The following FRMPD4 variants were observed in gnomAD, a reference collection of about 807,000 sequenced individuals.
The protein encoded by FRMPD4 is FERM and PDZ domain containing 4.
Under a neutral mutation model 94.1 loss-of-function variants are expected in FRMPD4, and 22 were observed. The observed-to-expected ratio is 0.23, with a 90% CI of 0.17 to 0.33. The LOEUF (loss-of-function observed/expected upper bound fraction) is 0.33. Ranked by LOEUF, FRMPD4 falls within the 10% of genes least tolerant of loss-of-function variation. The pLI is 1.00. For missense variants in FRMPD4, 1,111 were observed against 1,339.9 expected, an observed-to-expected ratio of 0.83 and a Z score of 2.67; for synonymous variants, 631 against 548.6, an observed-to-expected ratio of 1.15 and a Z score of -2.10.
intron 3 of FRMPD4, among the ~76,000 whole-genome samples, chrX:12,009,773 C>G (rs970051430): frequency 3.6e-5 from 4 of 112,082 alleles, no homozygotes; most frequent in African/African-American, 1.3e-4. Flanking sequence ...GTGTAACCAG[C>G]ACAGGAAACG....
chrX:12,487,534 GAA>G (rs2057751831), intron 1 of FRMPD4, among the ~76,000 whole-genome samples: 2 of 112,132 alleles, frequency 1.8e-5, no homozygotes, highest in African/African-American at 6.5e-5. Context: ...AGGAGAAAGA[GAA>G]AGAGTAGTAG....
intron 1 of FRMPD4, among the ~76,000 whole-genome samples, chrX:12,229,586 C>T (rs1034920841): frequency 2.7e-5 from 3 of 111,595 alleles, no homozygotes; most frequent in African/African-American, 6.5e-5. Context: ...TCTTTATTCC[C>T]CTTATCCTTA....
chrX:12,312,601 T>G (rs1404562521), intron 1 of FRMPD4, among the ~76,000 whole-genome samples: 1 of 111,083 alleles, frequency 9.0e-6, no homozygotes, highest in African/African-American at 3.3e-5. Context: ...TAAGGTGATG[T>G]TTTTGTTTGT....
intron 3 of FRMPD4, among the ~76,000 whole-genome samples, chrX:12,115,768 A>G (rs1048788715): frequency 9.2e-6 from 1 of 109,141 alleles, no homozygotes; most frequent in Non-Finnish European, 1.9e-5. Context: ...TCTCCTCCCC[A>G]TGGTTACTCT....
chrX:12,416,746 C>T (rs1023090096), intron 1 of FRMPD4, among the ~76,000 whole-genome samples: 4 of 111,753 alleles, frequency 3.6e-5, no homozygotes, highest in African/African-American at 9.8e-5. Flanking sequence ...CAAGGAAAAA[C>T]ATTTTTGAAG....
At chrX:11,944,606 G>A (rs2054179154) in intron 3 of FRMPD4, among the ~76,000 whole-genome samples, 1 of 111,578 alleles carries the variant, frequency 9.0e-6, no homozygotes, top group Admixed American at 9.5e-5. Context: ...TTTCAAAGAA[G>A]GGCTAGGATC....
chrX:12,632,886 C>A (rs1231098114), intron 4 of FRMPD4, among the ~76,000 whole-genome samples: 1 of 112,180 alleles, frequency 8.9e-6, no homozygotes, highest in Non-Finnish European at 1.9e-5. Context: ...TTTTGTACTC[C>A]CTTGCCACCC....
chrX:12,634,868 C>G (rs1008511657), intron 4 of FRMPD4, among the ~76,000 whole-genome samples: 1 of 75,422 alleles, frequency 1.3e-5, no homozygotes, highest in Non-Finnish European at 2.3e-5. Flanking sequence ...GAGTCTTGCT[C>G]TGTTGCCCAG....
chrX:11,848,431 G>C (rs1162515616), intron 1 of FRMPD4, among the ~76,000 whole-genome samples: 1 of 111,057 alleles, frequency 9.0e-6, no homozygotes, highest in African/African-American at 3.3e-5. Flanking sequence ...TAGTCAGTAG[G>C]GTTTCTACTG....
At chrX:12,572,458 G>T (rs1170343073) in intron 2 of FRMPD4, among the ~76,000 whole-genome samples, 1 of 112,446 alleles carries the variant, frequency 8.9e-6, no homozygotes, top group Non-Finnish European at 1.9e-5. Context: ...TTTAGAAAAA[G>T]ACATGCTAAA....
chrX:12,230,815 C>T (rs1412159354), intron 1 of FRMPD4, among the ~76,000 whole-genome samples: 4 of 96,861 alleles, frequency 4.1e-5, no homozygotes, highest in African/African-American at 7.6e-5. Context: ...ATCACCCTCC[C>T]GTCTATTTTT....
intron 3 of FRMPD4, among the ~76,000 whole-genome samples, chrX:12,108,765 G>C (rs976466831): frequency 9.0e-6 from 1 of 111,442 alleles, no homozygotes; most frequent in Non-Finnish European, 1.9e-5. Flanking sequence ...AAAGACAGGG[G>C]TTGCAATGCT....
At chrX:12,129,289 G>A (rs1330553947) in intron 3 of FRMPD4, among the ~76,000 whole-genome samples, 1 of 111,606 alleles carries the variant, frequency 9.0e-6, no homozygotes, top group African/African-American at 3.3e-5. Flanking sequence ...TTACAATCAT[G>A]GCAGAAGGGG....
intron 3 of FRMPD4, among the ~76,000 whole-genome samples, chrX:11,881,119 G>T (rs889957747): frequency 8.2e-4 from 92 of 112,522 alleles, no homozygotes; most frequent in Middle Eastern, 9.2e-3. Context: ...AAATAAAAAT[G>T]CTGGCAATGC....
intron 1 of FRMPD4, among the ~76,000 whole-genome samples, chrX:12,452,481 A>G (rs5979630): frequency 0.22 from 24,182 of 110,845 alleles, 3,156 homozygotes; most frequent in African/African-American, 0.49. Flanking sequence ...AACAGCTGGT[A>G]TAACGGGCCA....
In FRMPD4 at chrX:12,716,456, C is replaced by T; in HGVS notation, c.1997C>T (p.Pro666Leu). The change falls in exon 15 of 17, where the codon CCC (proline) becomes CTC (leucine). Residue 666 changes from proline to leucine, a missense_variant. Pro to Leu is a moderately conservative substitution (Grantham distance 98). Around this residue, in one of 8 missense-constraint regions of FRMPD4, gnomAD observed 192 missense variants for 192.5 expected, o/e 1.00. Coordinates refer to ENST00000675598, the MANE Select transcript of FRMPD4 (RefSeq NM_001368397.1). ...GDFALDDGIS[P>L]PTLGYETLLD... ...TTCGCCTTGGATGATGGTATTAGTC[C>T]CCCAACCCTTGGCTATGAAACGCTA... 1 of 1,209,711 alleles carries T rather than the reference C, an allele frequency of 8.3e-7. No individual in the cohort carries two copies. Among genetic ancestry groups the T allele is most frequent in the South Asian group, 1.8e-5 (1 of 56,808 alleles).
At chrX:12,528,604 C>T (rs928093943) in intron 2 of FRMPD4, among the ~76,000 whole-genome samples, 5 of 111,554 alleles carry the variant, frequency 4.5e-5, no homozygotes, top group African/African-American at 1.6e-4. Context: ...AGGTGTGAGC[C>T]ACTGCACCCC....
rs552763447 is a variant in FRMPD4, at chrX:11,927,149, C to CA, written c.95+49143dup. ...AACATAGTTCCATTCACAATTGCCA[C>CA]AAAAAAAAAAAAGTATAATATACCT... On this transcript the variant is annotated intron_variant, in intron 3 of 18. Transcript: ENST00000640291. Among the ~76,000 whole-genome samples, 377 of 94,485 alleles carry CA rather than the reference C, an allele frequency of 4.0e-3. 2 individuals are homozygous for CA. The highest frequency in any genetic ancestry group is 9.2e-3 in the African/African-American group (240 of 26,074). 82.0% of individuals were successfully genotyped at this position (94,485 alleles called of 115,157 possible).
At chrX:11,845,170 G>C (rs1205769000) in intron 1 of FRMPD4, among the ~76,000 whole-genome samples, 1 of 111,830 alleles carries the variant, frequency 8.9e-6, no homozygotes, top group African/African-American at 3.2e-5. Context: ...GCTAAATCTG[G>C]CTTCTGGAGA....
Sources: allele counts gnomAD v4.1 joint callset (sites outside exome capture counted in the v4.1 genomes callset), GRCh38; gene constraint gnomAD v4.1.1; regional missense constraint gnomAD v4.1.1; transcripts MANE v1.5; gene names NCBI Gene and HGNC (gene_info 2026-07-23, HGNC 2026-07-21).